Variants in DNMT3A observed in about 807,000 individuals in gnomAD.
The protein encoded by DNMT3A is DNA methyltransferase 3 alpha.
In DNMT3A, 267 loss-of-function variants were observed where a neutral mutation model predicts 117.6. The ratio of observed to expected loss-of-function variants is 2.27; its 90% CI spans 2.05 to 2.51. The LOEUF is 2.51. Ranked by LOEUF, DNMT3A falls within the 30% of genes most tolerant of loss-of-function variation. The pLI is 0.00. For synonymous variants in DNMT3A, 432 were observed against 474.8 expected (o/e 0.91, Z 1.17); for missense variants, 1,029 against 1,260.2 (o/e 0.82, Z 2.78).
At chr2:25,289,917 G>A (rs1456451300) in intron 3 of DNMT3A, among the ~76,000 whole-genome samples, 4 of 152,214 alleles carry the variant, frequency 2.6e-5, no homozygotes, top group African/African-American at 9.7e-5. Flanking sequence ...GCAAAGCCTT[G>A]CGTCCCAGGG....
intron 3 of DNMT3A, among the ~76,000 whole-genome samples, chr2:25,283,360 C>CA (rs56884375): frequency 0.022 from 1,455 of 65,932 alleles, 21 homozygotes; most frequent in African/African-American, 0.041. Context: ...GACTCCGCCT[C>CA]AAAAAAAAAA....
chr2:25,263,009 G>A lies in DNMT3A; in HGVS notation c.639+11932C>T, dbSNP rs571862607. On this transcript the variant is annotated intron_variant, in intron 6 of 22. Transcript: ENST00000321117. ...AGTATCTCACTCTGTCACCCAGGCT[G>A]GAGTCCAGTGGCATGATCATGGCTC... Among the ~76,000 whole-genome samples the A allele has an allele frequency of 4.4e-4, 67 of 152,262 alleles. 1 individual carries two copies. Among genetic ancestry groups the A allele is most frequent in the Middle Eastern group, 3.4e-3 (1 of 294 alleles).
rs1300233231 is a variant in DNMT3A at position 25,230,906 on chromosome 2, T to C, written c.*3373A>G. On this transcript the variant is annotated 3_prime_UTR_variant, in exon 23 of 23. Transcript: ENST00000321117. ...AAGCTGTCAGCCATAAGGGCTCCTC[T>C]GTGCCCAGCACTCCCTCCTCGAGCA... 1.3e-5 allele frequency: 2 copies of C among 151,462 alleles called. No homozygotes were observed. 9.4% of individuals were successfully genotyped at this position (151,462 alleles called of 1,614,324 possible). A position where few individuals can be genotyped will look rare whatever the true frequency, so the allele number is the denominator to read the frequency against.
intron 3 of DNMT3A, among the ~76,000 whole-genome samples, chr2:25,284,844 A>G (rs1438453707): frequency 6.6e-6 from 1 of 151,964 alleles, no homozygotes; most frequent in African/African-American, 2.4e-5. Flanking sequence ...GTTTATACAT[A>G]TGTATTCATA....
At chr2:25,291,048 G>A (rs2032720210) in intron 3 of DNMT3A, among the ~76,000 whole-genome samples, 1 of 152,182 alleles carries the variant, frequency 6.6e-6, no homozygotes, top group Non-Finnish European at 1.5e-5. Context: ...TTGAGAAGGA[G>A]GCACCCCCAC....
Position 25,236,124 on chromosome 2 carries a change from G to A in DNMT3A, c.2479-299C>T, listed in dbSNP as rs1214123279. ...TCTGTCACCCAGGCTGGACTGCAGT[G>A]GTGCGATCTCAGCTCACTGTAACCT... On this transcript the variant is annotated intron_variant, in intron 21 of 22. Coordinates refer to ENST00000321117, the MANE Select transcript of DNMT3A (RefSeq NM_022552.5). This position sits in a 1 kb window ranked among gnomAD's most constrained non-coding sequence, Gnocchi z 4.5. Among the ~76,000 whole-genome samples, 3 of 151,052 alleles carry A rather than the reference G, an allele frequency of 2.0e-5. No individual in the cohort carries two copies. The highest frequency in any genetic ancestry group is 7.3e-5 in the African/African-American group (3 of 41,032).
intron 1 of DNMT3A, among the ~76,000 whole-genome samples, chr2:25,325,446 G>T (rs192519870): frequency 9.9e-5 from 15 of 152,282 alleles, no homozygotes; most frequent in African/African-American, 3.4e-4. Flanking sequence ...ACGGTCATCT[G>T]CATGTTTCTC....
chr2:25,272,996 C>CA lies in DNMT3A; in HGVS notation c.639+1944dup, dbSNP rs989245319. Reference sequence around the variant, plus strand: ...GTTTGTATTTTTTTTTTTTTTGAGACAGAGTTTTGCTCTTGTTGTCCAGGC... The same window carrying CA: ...GTTTGTATTTTTTTTTTTTTTGAGACAAGAGTTTTGCTCTTGTTGTCCAGGC... On this transcript the variant is annotated intron_variant, in intron 6 of 22. Coordinates refer to ENST00000321117, the MANE Select transcript of DNMT3A (RefSeq NM_022552.5). Among the ~76,000 whole-genome samples the CA allele has an allele frequency of 2.9e-3, 65 of 22,584 alleles. 1 individual carries two copies. In the East Asian group the frequency reaches 0.045, roughly 16 times the overall value. The allele number at this position is 22,584 out of a possible 152,430, so 14.8% of individuals were successfully genotyped here. A position where few individuals can be genotyped will look rare whatever the true frequency, so the allele number is the denominator to read the frequency against.
At chr2:25,313,830 TATGAGG>T in intron 2 of DNMT3A, 77 bp downstream of exon 2, 1 of 1,543,748 alleles carries the variant, frequency 6.5e-7, no homozygotes, top group Admixed American at 2.0e-5. Context: ...ATGCACTCAG[TATGAGG>T]AGCCGGCTGT....
At chr2:25,303,901 C>T (rs2033653948) in intron 2 of DNMT3A, among the ~76,000 whole-genome samples, 1 of 152,238 alleles carries the variant, frequency 6.6e-6, no homozygotes, top group African/African-American at 2.4e-5. Flanking sequence ...GTGGTTCATT[C>T]TCGCATCTGT....
chr2:25,287,734 C>CT (rs397967304), intron 3 of DNMT3A, among the ~76,000 whole-genome samples: 27 of 151,122 alleles, frequency 1.8e-4, no homozygotes, highest in Non-Finnish European at 1.3e-4. Context: ...AGGACACCCC[C>CT]GCCCCCAACA....
intron 1 of DNMT3A, among the ~76,000 whole-genome samples, chr2:25,326,769 C>T (rs2149442961): frequency 6.6e-6 from 1 of 152,340 alleles, no homozygotes; most frequent in Non-Finnish European, 1.5e-5. Flanking sequence ...ATGCAGCTTT[C>T]CAGTGCCCAG....
At chr2:25,321,045 A>G (rs2034576447) in intron 1 of DNMT3A, among the ~76,000 whole-genome samples, 1 of 152,264 alleles carries the variant, frequency 6.6e-6, no homozygotes, top group Admixed American at 6.5e-5. Flanking sequence ...AGGCAGGAGA[A>G]TCACTTGAAC....
chr2:25,329,551 C>G (rs2034928823), intron 1 of DNMT3A, among the ~76,000 whole-genome samples: 1 of 152,080 alleles, frequency 6.6e-6, no homozygotes. Context: ...CAGGCTCCCC[C>G]TCCCAGCTGA....
At chr2:25,275,832 C>T (rs2031365345) in intron 4 of DNMT3A, among the ~76,000 whole-genome samples, 1 of 152,186 alleles carries the variant, frequency 6.6e-6, no homozygotes. Context: ...GGCCTGTCAA[C>T]TCTGTCTCAG....
At chr2:25,239,436 T>A in intron 19 of DNMT3A, 1 of 634,006 alleles carries the variant, frequency 1.6e-6, no homozygotes, top group Non-Finnish European at 3.0e-6. Context: ...CCAAATGAAC[T>A]TCTGCGATGG....
At chr2:25,288,823 C>A (rs912962400) in intron 3 of DNMT3A, among the ~76,000 whole-genome samples, 1 of 152,208 alleles carries the variant, frequency 6.6e-6, no homozygotes, top group African/African-American at 2.4e-5. Flanking sequence ...CACTCTTCTA[C>A]TTTCTGTCTT....
At chr2:25,267,299 TG>T (rs1173396564) in intron 6 of DNMT3A, among the ~76,000 whole-genome samples, 1 of 152,168 alleles carries the variant, frequency 6.6e-6, no homozygotes, top group African/African-American at 2.4e-5. Flanking sequence ...TCAGGCCAGG[TG>T]TGGTGGCTCA....
At chr2:25,342,537 G>A (rs372170785), upstream of DNMT3A, 46 of 152,836 alleles carry the variant, frequency 3.0e-4, no homozygotes, top group East Asian at 7.5e-3. This position sits in a 1 kb window ranked among gnomAD's most constrained non-coding sequence, Gnocchi z 5.9. Flanking sequence ...AGCCCGCGGA[G>A]CCCCCGGCGG....
Sources: gnomAD v4.1 joint callset for allele counts (sites outside exome capture counted in the v4.1 genomes callset) on GRCh38, gnomAD v4.1.1 for gene constraint, Gnocchi (gnomAD v3.1) non-coding constraint, MANE v1.5 for transcripts, NCBI Gene and HGNC (gene_info 2026-07-23, HGNC 2026-07-21) for gene names.